The following ANKFN1 variants were observed in gnomAD, a reference collection of about 807,000 sequenced individuals.
ANKFN1 encodes ankyrin repeat and fibronectin type III domain containing 1.
Under a neutral mutation model 108.7 loss-of-function variants are expected in ANKFN1, and 74 were observed. The ratio of observed to expected loss-of-function variants is 0.68; its 90% CI spans 0.56 to 0.83. The LOEUF is 0.83. Ranked by LOEUF, ANKFN1 falls within the 40% of genes least tolerant of loss-of-function variation. ANKFN1 has a pLI of 0.00. For synonymous variants in ANKFN1, 547 were observed against 516.2 expected (o/e 1.06, Z -0.81); for missense variants, 1,505 against 1,382.3 (o/e 1.09, Z -1.41).
At chr17:56,258,661 A>G (rs546110100) in intron 3 of ANKFN1, among the ~76,000 whole-genome samples, 94 of 152,330 alleles carry the variant, frequency 6.2e-4, no homozygotes, top group Non-Finnish European at 7.9e-4. Flanking sequence ...CTGTAATCCC[A>G]GCACTTTGGG....
intron 8 of ANKFN1, among the ~76,000 whole-genome samples, chr17:56,431,164 A>G (rs891482071): frequency 7.2e-5 from 11 of 152,224 alleles, no homozygotes; most frequent in Non-Finnish European, 1.5e-4. Flanking sequence ...GGCCAGGGGA[A>G]GGATCAAGAA....
At chr17:56,091,112 T>C (rs1269215746) in intron 4 of ANKFN1, among the ~76,000 whole-genome samples, 2 of 151,020 alleles carry the variant, frequency 1.3e-5, no homozygotes, top group Admixed American at 6.6e-5. Flanking sequence ...TAGTAGCGCC[T>C]CAAAAAATTC....
chr17:56,512,922 G>A lies in ANKFN1; in HGVS notation c.*1653G>A, dbSNP rs2051815857. ...CTCAATGAAACCCTCAAAGAATCTT[G>A]ATCAGAATCACTACAGCTCCTTTTT... On this transcript the variant is annotated 3_prime_UTR_variant, in exon 21 of 21. Transcript: ENST00000682825. Among the ~76,000 whole-genome samples, 1 of 152,160 alleles carries A rather than the reference G, an allele frequency of 6.6e-6. No individual in the cohort carries two copies. Among genetic ancestry groups the A allele is most frequent in the Non-Finnish European group, 1.5e-5 (1 of 68,022 alleles).
intron 4 of ANKFN1, among the ~76,000 whole-genome samples, chr17:56,146,524 C>T (rs1007358298): frequency 6.6e-6 from 1 of 152,200 alleles, no homozygotes; most frequent in African/African-American, 2.4e-5. Flanking sequence ...TTAAGGTTCC[C>T]AAACCTCAGT....
At chr17:56,132,643 A>G (rs931657456) in intron 4 of ANKFN1, among the ~76,000 whole-genome samples, 1 of 152,190 alleles carries the variant, frequency 6.6e-6, no homozygotes, top group African/African-American at 2.4e-5. Context: ...GCTTATAAGT[A>G]ACATAAATTT....
chr17:56,416,220 A>G (rs1382297019), intron 8 of ANKFN1, among the ~76,000 whole-genome samples: 1 of 152,214 alleles, frequency 6.6e-6, no homozygotes, highest in Admixed American at 6.5e-5. Flanking sequence ...ATGGGATTAC[A>G]TCAAGTTAAA....
At chr17:56,144,183 A>C (rs1411229332) in intron 4 of ANKFN1, among the ~76,000 whole-genome samples, 17,596 of 116,290 alleles carry the variant, frequency 0.15, 2,773 homozygotes, top group East Asian at 0.28. Flanking sequence ...AAAAAAAAAA[A>C]AACAGCCCAA....
intron 4 of ANKFN1, among the ~76,000 whole-genome samples, chr17:56,144,856 C>T (rs1211726245): frequency 6.6e-6 from 1 of 152,194 alleles, no homozygotes; most frequent in Non-Finnish European, 1.5e-5. Flanking sequence ...CTTTCCATCG[C>T]CTCATTTTAC....
At chr17:56,409,515 TGAA>T (rs1208245587) in intron 8 of ANKFN1, among the ~76,000 whole-genome samples, 3 of 152,184 alleles carry the variant, frequency 2.0e-5, no homozygotes, top group Non-Finnish European at 4.4e-5. Flanking sequence ...GACTTGGAGT[TGAA>T]GAACATCTCA....
chr17:56,207,023 G>A (rs1216054552), intron 1 of ANKFN1: 1 of 152,190 alleles, frequency 6.6e-6, no homozygotes, highest in Non-Finnish European at 1.5e-5. Context: ...AGTGCCCCAA[G>A]AGGGAGAGGC....
At chr17:56,110,857 C>T (rs924665517) in intron 4 of ANKFN1, 3 of 152,252 alleles carry the variant, frequency 2.0e-5, no homozygotes, top group Non-Finnish European at 4.4e-5. Context: ...GCCACCTGCA[C>T]ACACAGTGAC....
intron 1 of ANKFN1, among the ~76,000 whole-genome samples, chr17:56,185,728 A>G (rs549408184): frequency 6.6e-6 from 1 of 152,318 alleles, no homozygotes; most frequent in South Asian, 2.1e-4. Flanking sequence ...GTTGCAGACT[A>G]TTAAGTCGTT....
rs533826702 is a variant in ANKFN1, at chr17:56,435,731, A to G, written c.911-4596A>G. Among the ~76,000 whole-genome samples, 3 of 143,460 alleles carry G rather than the reference A, an allele frequency of 2.1e-5. No homozygotes were observed. The South Asian group carries it at 7.1e-4, about 34-fold the overall frequency. 94.1% of individuals were successfully genotyped at this position (143,460 alleles called of 152,430 possible). A position where few individuals can be genotyped will look rare whatever the true frequency, so the allele number is the denominator to read the frequency against. ...AGATTTTAGGGAGAATCTGCACAAC[A>G]GCAAGTTTTATGAGGTGTTTTTTTT... On this transcript the variant is annotated intron_variant, in intron 8 of 20. Transcript: ENST00000682825.
intron 8 of ANKFN1, among the ~76,000 whole-genome samples, chr17:56,415,102 A>T (rs1292890653): frequency 6.6e-6 from 1 of 152,164 alleles, no homozygotes; most frequent in Non-Finnish European, 1.5e-5. Context: ...TAACAGACTC[A>T]CAGCCTTTGC....
chr17:56,336,460 G>A (rs2045813290), intron 4 of ANKFN1, among the ~76,000 whole-genome samples: 1 of 151,970 alleles, frequency 6.6e-6, no homozygotes, highest in Non-Finnish European at 1.5e-5. Context: ...GGTGTATGCG[G>A]CCAGGAATTT....
intron 1 of ANKFN1, among the ~76,000 whole-genome samples, chr17:56,170,775 TATATATATATATATA>T (rs1410547322): frequency 0.014 from 699 of 50,282 alleles, 7 homozygotes; most frequent in African/African-American, 0.095. Flanking sequence ...AAAAATTTTT[TATATATATATATATA>T]TATATATATA....
chr17:56,300,470 T>C (rs530263809), intron 3 of ANKFN1, among the ~76,000 whole-genome samples: 13 of 152,304 alleles, frequency 8.5e-5, no homozygotes, highest in Non-Finnish European at 1.8e-4. Context: ...CATGTTTCTG[T>C]TTCCTTTACA....
intron 4 of ANKFN1, among the ~76,000 whole-genome samples, chr17:56,141,703 G>A (rs924201000): frequency 6.6e-6 from 1 of 152,036 alleles, no homozygotes; most frequent in Non-Finnish European, 1.5e-5. Flanking sequence ...AATTATTTGA[G>A]CACAGCGTTC....
At chr17:56,107,027 G>GA (rs971005513) in intron 4 of ANKFN1, among the ~76,000 whole-genome samples, 2 of 152,130 alleles carry the variant, frequency 1.3e-5, no homozygotes, top group Non-Finnish European at 2.9e-5. Flanking sequence ...CTGTACCAAA[G>GA]AAAATCATAT....
Sources: gnomAD v4.1 joint callset for allele counts (sites outside exome capture counted in the v4.1 genomes callset) on GRCh38, gnomAD v4.1.1 for gene constraint, MANE v1.5 for transcripts, NCBI Gene and HGNC (gene_info 2026-07-23, HGNC 2026-07-21) for gene names.